The following HDAC5 variants were observed in gnomAD, a reference collection of about 807,000 sequenced individuals.
HDAC5 encodes histone deacetylase 5.
In HDAC5, 25 loss-of-function variants were observed where a neutral mutation model predicts 133.3. That is an observed-to-expected ratio of 0.19 (90% confidence interval 0.14 to 0.26). The LOEUF (loss-of-function observed/expected upper bound fraction) is 0.26, where lower values mean the gene tolerates loss of function less well. Ranked by LOEUF, HDAC5 falls within the 10% of genes least tolerant of loss-of-function variation. The probability of loss-of-function intolerance (pLI) is 1.00; values close to 1 mark genes in which losing one functional copy is unlikely to be tolerated. For missense variants in HDAC5, 1,041 were observed against 1,460.5 expected, an observed-to-expected ratio of 0.71 and a Z score of 4.68; for synonymous variants, 589 against 610.8, an observed-to-expected ratio of 0.96 and a Z score of 0.53.
chr17:44,080,533 C>T (rs756842221), intron 21 of HDAC5, 35 bp from the exon 22 acceptor site: 20 of 1,600,698 alleles, frequency 1.2e-5, no homozygotes, highest in South Asian at 1.1e-5. Context: ...CTATTCTCAC[C>T]ACCTGGGAGT....
chr17:44,109,078 C>A (rs2052174951), intron 3 of HDAC5, among the ~76,000 whole-genome samples: 2 of 152,194 alleles, frequency 1.3e-5, no homozygotes, highest in Admixed American at 6.5e-5. Flanking sequence ...GGGGTACAAT[C>A]TGGAAGCAGG....
chr17:44,078,698 G>A (rs757762999), intron 25 of HDAC5, 33 bp from the exon 26 acceptor site: 8 of 1,607,158 alleles, frequency 5.0e-6, no homozygotes, highest in African/African-American at 1.3e-5. Flanking sequence ...GGGTCAGGGA[G>A]GGCAGAGGAC....
chr17:44,079,469 G>A (rs977762336), intron 23 of HDAC5, 192 bp from the exon 24 acceptor site: 19 of 514,556 alleles, frequency 3.7e-5, no homozygotes, highest in African/African-American at 1.5e-4. Flanking sequence ...GTGAAACCCC[G>A]TCTCTACTAA....
chr17:44,122,562 C>G (rs1456160119), intron 1 of HDAC5, among the ~76,000 whole-genome samples: 1 of 152,144 alleles, frequency 6.6e-6, no homozygotes, highest in East Asian at 1.9e-4. Flanking sequence ...TAGGGACACA[C>G]CTCATTTCAG....
chr17:44,087,402 CGG>C lies in HDAC5; in HGVS notation c.1884+8_1884+9del, dbSNP rs779761565. 1 of 860,724 alleles carries C rather than the reference CGG, an allele frequency of 1.2e-6. No individual in the cohort carries two copies. The highest frequency in any genetic ancestry group is 1.4e-5 in the South Asian group (1 of 72,360). 53.3% of individuals were successfully genotyped at this position (860,724 alleles called of 1,614,324 possible). Reference sequence around the variant, plus strand: ...GGTGACCAAGGACTGGGACCAGGGACGGGGCTCACTTTTTTGTATCCAGCACC... The same window carrying C: ...GGTGACCAAGGACTGGGACCAGGGACGGCTCACTTTTTTGTATCCAGCACC... On this transcript the variant is annotated splice_region_variant and intron_variant, in intron 13 of 26. Coordinates refer to ENST00000682912, the MANE Select transcript of HDAC5 (RefSeq NM_005474.5).
Position 44,083,579 on chromosome 17 carries a change from T to A in HDAC5, c.2429A>T (p.Glu810Val). The A allele has an allele frequency of 6.2e-7, 1 of 1,614,042 alleles. No individual in the cohort carries two copies. The highest frequency in any genetic ancestry group is 8.5e-7 in the Non-Finnish European group (1 of 1,180,000). ...AVRMAVGCLL[E>V]LAFKVAAGEL... is the part of the protein sequence containing the mutation. ...TCCTGCAGCCACCTTGAAGGCCAGC[T>A]CCAGCAGGCAGCCCACTGCCATGCG... The change falls in exon 18 of 27, where the codon GAG becomes GTG. Residue 810 changes from glutamate to valine, a missense_variant. Glu to Val is a moderately radical substitution (Grantham distance 121, BLOSUM62 -2). Coordinates refer to ENST00000682912, the MANE Select transcript of HDAC5 (RefSeq NM_005474.5).
intron 8 of HDAC5, 42 bp from the exon 9 acceptor site, chr17:44,092,326 C>T (rs1244395859): frequency 1.2e-6 from 2 of 1,612,096 alleles, no homozygotes; most frequent in Non-Finnish European, 1.7e-6. Context: ...CTGTGAACTA[C>T]CCCCGACCCC....
At chr17:44,095,102 T>G (rs966532015) in intron 3 of HDAC5, among the ~76,000 whole-genome samples, 1 of 152,186 alleles carries the variant, frequency 6.6e-6, no homozygotes, top group Non-Finnish European at 1.5e-5. Context: ...CTTCAACACA[T>G]AATATTATCA....
At chr17:44,079,666 AAAAG>A (rs901094276) in intron 23 of HDAC5, among the ~76,000 whole-genome samples, 15 of 150,272 alleles carry the variant, frequency 1.0e-4, no homozygotes, top group Non-Finnish European at 2.1e-4. Flanking sequence ...AAAAAGAAAG[AAAAG>A]GAGAGAAAAA....
At chr17:44,087,039 G>C (rs569712355) in intron 13 of HDAC5, among the ~76,000 whole-genome samples, 11 of 151,718 alleles carry the variant, frequency 7.3e-5, no homozygotes, top group Non-Finnish European at 1.2e-4. Context: ...GGCTGTGTCC[G>C]CAATGAATGG....
intron 3 of HDAC5, among the ~76,000 whole-genome samples, chr17:44,107,801 A>C (rs1346203994): frequency 6.6e-6 from 1 of 151,976 alleles, no homozygotes; most frequent in African/African-American, 2.4e-5. Flanking sequence ...CTAAGACCAA[A>C]CCTGGACCCC....
At chr17:44,084,873 G>A in intron 15 of HDAC5, 149 bp downstream of exon 15, 2 of 1,263,574 alleles carry the variant, frequency 1.6e-6, no homozygotes, top group Non-Finnish European at 2.2e-6. Context: ...AAAACAGGCT[G>A]CAAGGGATGG....
chr17:44,089,289 G>A (rs1403909846), intron 11 of HDAC5, among the ~76,000 whole-genome samples: 2 of 152,200 alleles, frequency 1.3e-5, no homozygotes, highest in African/African-American at 4.8e-5. Context: ...CAAGGCAGGG[G>A]GATGGCTTGA....
At chr17:44,095,905 G>A (rs1050291044) in intron 3 of HDAC5, among the ~76,000 whole-genome samples, 1 of 152,040 alleles carries the variant, frequency 6.6e-6, no homozygotes, top group Non-Finnish European at 1.5e-5. Flanking sequence ...GCAGTGGAGG[G>A]CCTGCTGGGT....
intron 2 of HDAC5, among the ~76,000 whole-genome samples, chr17:44,113,258 G>C (rs934916749): frequency 2.0e-5 from 3 of 152,156 alleles, no homozygotes; most frequent in Admixed American, 2.0e-4. Flanking sequence ...CCCAGACATT[G>C]AAGGAAACAG....
intron 3 of HDAC5, among the ~76,000 whole-genome samples, chr17:44,105,201 C>T (rs2051856622): frequency 6.6e-6 from 1 of 152,168 alleles, no homozygotes; most frequent in Admixed American, 6.5e-5. Context: ...GACAAGGGCA[C>T]CTGGTTGGTC....
At chr17:44,119,360 C>G (rs911248870) in intron 1 of HDAC5, among the ~76,000 whole-genome samples, 8 of 152,358 alleles carry the variant, frequency 5.3e-5, no homozygotes, top group African/African-American at 1.9e-4. Flanking sequence ...TCCATCTCCA[C>G]AGTGAGAGGC....
chr17:44,120,965 A>AGGG (rs1259324931), intron 1 of HDAC5, among the ~76,000 whole-genome samples: 1 of 152,074 alleles, frequency 6.6e-6, no homozygotes, highest in African/African-American at 2.4e-5. Flanking sequence ...AACCAGGGAA[A>AGGG]GGGGGAGGGT....
rs143953126 is a variant in HDAC5, at chr17:44,083,001, C to CA, written c.2464-182dup. 5.9e-3 allele frequency among the ~76,000 whole-genome samples: 890 copies of CA among 152,132 alleles called. 11 individuals carry two copies. The highest frequency in any genetic ancestry group is 0.021 in the African/African-American group (861 of 41,508). ...GTTTTTTTATGGGTTTTTTTGGAGA[C>CA]AGAGTCTTGCTTTGTCACCCAGGCT... On this transcript the variant is annotated intron_variant, in intron 18 of 26. Coordinates refer to ENST00000682912, the MANE Select transcript of HDAC5 (RefSeq NM_005474.5).
Sources: allele counts gnomAD v4.1 joint callset (sites outside exome capture counted in the v4.1 genomes callset), GRCh38; gene constraint gnomAD v4.1.1; transcripts MANE v1.5; gene names NCBI Gene and HGNC (gene_info 2026-07-23, HGNC 2026-07-21).